CNTLN: variants seen among roughly 807,000 people sequenced by gnomAD.
The protein encoded by CNTLN is centlein, centrosomal protein.
A neutral mutation model predicts 180.0 loss-of-function variants in CNTLN; 212 were observed. The ratio of observed to expected loss-of-function variants is 1.18; its 90% confidence interval spans 1.05 to 1.32. The LOEUF (loss-of-function observed/expected upper bound fraction) is 1.32. Among genes scored for constraint, CNTLN ranks in the 40% most tolerant of loss-of-function variants. CNTLN has a pLI of 0.00. For synonymous variants in CNTLN, 722 were observed against 563.1 expected (o/e 1.28, Z -3.99); for missense variants, 2,095 against 1,610.9 (o/e 1.30, Z -5.14).
intron 5 of CNTLN, among the ~76,000 whole-genome samples, chr9:17,243,977 C>G (rs1210449703): frequency 1.3e-5 from 2 of 151,934 alleles, no homozygotes; most frequent in Non-Finnish European, 2.9e-5. Context: ...CTTTATATAT[C>G]TTGGTGCTCC....
At chr9:17,196,200 C>A (rs959578161) in intron 2 of CNTLN, among the ~76,000 whole-genome samples, 2 of 151,860 alleles carry the variant, frequency 1.3e-5, no homozygotes, top group African/African-American at 4.8e-5. Context: ...ATTTTTCTAT[C>A]TTTGAGAGGC....
At chr9:17,186,040 C>T (rs1821418597) in intron 2 of CNTLN, among the ~76,000 whole-genome samples, 1 of 152,108 alleles carries the variant, frequency 6.6e-6, no homozygotes, top group African/African-American at 2.4e-5. Flanking sequence ...TATCCTCCTG[C>T]CTTGGCCTCC....
chr9:17,395,044 G>A lies in CNTLN; in HGVS notation c.2590G>A (p.Gly864Ser), dbSNP rs779904569. The change falls in exon 15 of 26, where the codon GGC (glycine) becomes AGC (serine). Residue 864 changes from glycine to serine, a missense_variant. Physicochemically the swap from Gly to Ser is moderately conservative, Grantham distance 56. Transcript: ENST00000380647. The stretch of plus-strand genomic sequence containing the variant: ...TGTGTTTGAGAACCTCAGCAAGGAC[G>A]GCTGGGAGGATGTGAGTGAAAGCAG... ...SNVFENLSKD[G>S]WEDVSESSSD... 5.0e-6 allele frequency: 8 copies of A among 1,610,108 alleles called. No homozygotes were observed. Among genetic ancestry groups the A allele is most frequent in the East Asian group, 4.5e-5 (2 of 44,788 alleles).
chr9:17,210,690 T>C (rs1780727724), intron 2 of CNTLN, among the ~76,000 whole-genome samples: 1 of 152,220 alleles, frequency 6.6e-6, no homozygotes, highest in Non-Finnish European at 1.5e-5. Context: ...TGTAAAAATG[T>C]TCCTGTTTCT....
chr9:17,212,643 C>T (rs1353792406), intron 2 of CNTLN, among the ~76,000 whole-genome samples: 1 of 152,110 alleles, frequency 6.6e-6, no homozygotes, highest in African/African-American at 2.4e-5. Flanking sequence ...CCAGCTCCTC[C>T]TTGTACTTCT....
chr9:17,390,185 T>C (rs550619666), intron 14 of CNTLN, among the ~76,000 whole-genome samples: 1 of 150,860 alleles, frequency 6.6e-6, no homozygotes, highest in African/African-American at 2.4e-5. Context: ...ATACACACAT[T>C]TCATAGCTTC....
chr9:17,248,023 A>G (rs889050380), intron 5 of CNTLN, among the ~76,000 whole-genome samples: 10 of 151,852 alleles, frequency 6.6e-5, no homozygotes, highest in African/African-American at 1.7e-4. Context: ...GGGTTTTGCC[A>G]TGTTGCTTTG....
chr9:17,293,632 G>A (rs993924202), intron 6 of CNTLN, among the ~76,000 whole-genome samples: 18 of 152,220 alleles, frequency 1.2e-4, no homozygotes, highest in Non-Finnish European at 1.2e-4. Flanking sequence ...CCTGGCACTG[G>A]CAGGGGAAAA....
At chr9:17,212,895 G>A (rs1366299425) in intron 2 of CNTLN, among the ~76,000 whole-genome samples, 1 of 152,086 alleles carries the variant, frequency 6.6e-6, no homozygotes, top group Non-Finnish European at 1.5e-5. Flanking sequence ...GGGATCGGTG[G>A]TGATATCCCC....
At chr9:17,267,981 A>T (rs1827618381) in intron 5 of CNTLN, among the ~76,000 whole-genome samples, 1 of 151,872 alleles carries the variant, frequency 6.6e-6, no homozygotes, top group Non-Finnish European at 1.5e-5. Context: ...CATTGGTTTG[A>T]ATTTCCTCTT....
chr9:17,484,580 G>C, intron 24 of CNTLN, 100 bp downstream of exon 24: 1 of 977,010 alleles, frequency 1.0e-6, no homozygotes. Flanking sequence ...TCATCTTTAA[G>C]AGAGTGTTAA....
intron 6 of CNTLN, among the ~76,000 whole-genome samples, chr9:17,297,335 G>C (rs953593456): frequency 6.6e-6 from 1 of 151,824 alleles, no homozygotes; most frequent in Non-Finnish European, 1.5e-5. Flanking sequence ...ATTCAAAGTG[G>C]GTCTTGAAAC....
chr9:17,389,983 C>T (rs776795661), intron 14 of CNTLN, among the ~76,000 whole-genome samples: 1 of 151,984 alleles, frequency 6.6e-6, no homozygotes, highest in Non-Finnish European at 1.5e-5. Context: ...CAGACAAATA[C>T]AGAGGGAAGT....
In CNTLN at chr9:17,306,682, G is replaced by C. The variant is rs540018188; in HGVS notation, c.1147-2376G>C. 4.6e-5 allele frequency among the ~76,000 whole-genome samples: 7 copies of C among 152,226 alleles called. No individual in the cohort carries two copies. The South Asian group carries it at 1.5e-3, about 32-fold the overall frequency. ...TGTACCTTGGTCATTAGGATAGAAG[G>C]TATGTAGTTTTCTTTGTCAGCACTT... On this transcript the variant is annotated intron_variant, in intron 7 of 25. Transcript: ENST00000380647.
intron 2 of CNTLN, among the ~76,000 whole-genome samples, chr9:17,157,508 G>T (rs150114017): frequency 1.4e-3 from 213 of 152,294 alleles, no homozygotes; most frequent in African/African-American, 5.1e-3. Flanking sequence ...TTATCAATTT[G>T]ACTGGGCCAT....
At chr9:17,385,554 T>G (rs1825622400) in intron 13 of CNTLN, among the ~76,000 whole-genome samples, 1 of 152,066 alleles carries the variant, frequency 6.6e-6, no homozygotes. Flanking sequence ...ATTCCAAAGG[T>G]TTTAGAAACT....
chr9:17,422,346 G>A (rs1277068965), intron 18 of CNTLN, among the ~76,000 whole-genome samples: 1 of 151,916 alleles, frequency 6.6e-6, no homozygotes, highest in Non-Finnish European at 1.5e-5. Flanking sequence ...ATTATTAAGT[G>A]CCTTGAGGTA....
chr9:17,202,638 C>A (rs1166715695), intron 2 of CNTLN, among the ~76,000 whole-genome samples: 3 of 127,628 alleles, frequency 2.4e-5, no homozygotes, highest in African/African-American at 9.8e-5. Context: ...CCTAGGATTG[C>A]AACCTCTGTT....
intron 25 of CNTLN, among the ~76,000 whole-genome samples, chr9:17,489,748 T>A (rs533829586): frequency 8.6e-4 from 131 of 152,214 alleles, no homozygotes; most frequent in African/African-American, 3.0e-3. Flanking sequence ...TTATGTATAT[T>A]TGATACAGAA....
Sources: allele counts gnomAD v4.1 joint callset (sites outside exome capture counted in the v4.1 genomes callset), GRCh38; gene constraint gnomAD v4.1.1; transcripts MANE v1.5; gene names NCBI Gene and HGNC (gene_info 2026-07-23, HGNC 2026-07-21).